The following RPA1 variants were observed in gnomAD, a reference collection of about 807,000 sequenced individuals.
RPA1 encodes replication protein A1.
A neutral mutation model predicts 83.0 loss-of-function variants in RPA1; 49 were observed. That is an observed-to-expected ratio of 0.59 (90% CI 0.47 to 0.75). RPA1 has a LOEUF of 0.75. RPA1 is among the 30% of genes least tolerant of loss of function. The pLI, the probability that RPA1 is intolerant of heterozygous loss-of-function variation, is 0.00. For missense variants in RPA1, 693 were observed against 776.1 expected, an observed-to-expected ratio of 0.89 and a Z score of 1.27; for synonymous variants, 279 against 281.8, an observed-to-expected ratio of 0.99 and a Z score of 0.10.
Position 1,897,387 on chromosome 17 carries a change from A to G in RPA1, c.*212A>G, listed in dbSNP as rs1000619145. 11 of 504,022 alleles carry G rather than the reference A, an allele frequency of 2.2e-5. No homozygotes were observed. Among genetic ancestry groups the G allele is most frequent in the Admixed American group, 7.4e-5 (2 of 27,186 alleles). The allele number at this position is 504,022 out of a possible 1,614,324, so 31.2% of individuals were successfully genotyped here. A position where few individuals can be genotyped will look rare whatever the true frequency, so the allele number is the denominator to read the frequency against. On this transcript the variant is annotated 3_prime_UTR_variant, in exon 17 of 17. Coordinates refer to ENST00000254719, the MANE Select transcript of RPA1 (RefSeq NM_002945.5). ...TTGTGGTGTAGACTGTGTCAGGCCTACGGAGTCAGCCAGTGGCTAGCGCAA... is the reference window on the plus strand; with the variant it reads ...TTGTGGTGTAGACTGTGTCAGGCCTGCGGAGTCAGCCAGTGGCTAGCGCAA...
intron 6 of RPA1, among the ~76,000 whole-genome samples, chr17:1,874,028 TATATACACAC>T (rs1178575953): frequency 5.8e-5 from 6 of 102,598 alleles, no homozygotes; most frequent in Admixed American, 2.3e-4. Context: ...TATATATATA[TATATACACAC>T]ACACACACAC....
chr17:1,881,754 C>T (rs375893622), intron 12 of RPA1, among the ~76,000 whole-genome samples: 7 of 152,180 alleles, frequency 4.6e-5, no homozygotes, highest in African/African-American at 1.2e-4. Context: ...ATAAAAAGCA[C>T]GGCTGTCCCC....
chr17:1,858,281 C>A (rs1423539356), intron 5 of RPA1: 2 of 1,611,732 alleles, frequency 1.2e-6, no homozygotes, highest in South Asian at 1.1e-5. Flanking sequence ...GGGAGTAACA[C>A]GGCCGACATG....
At chr17:1,886,858 A>G (rs1914013876) in intron 13 of RPA1, among the ~76,000 whole-genome samples, 1 of 152,038 alleles carries the variant, frequency 6.6e-6, no homozygotes, top group Non-Finnish European at 1.5e-5. Flanking sequence ...ACTAGGTCTC[A>G]CTATGTTGCC....
chr17:1,831,035 G>C (rs968847754), intron 1 of RPA1, among the ~76,000 whole-genome samples: 1 of 152,046 alleles, frequency 6.6e-6, no homozygotes, highest in African/African-American at 2.4e-5. Context: ...CAAAATGCTG[G>C]AATTACAGGC....
At chr17:1,887,491 G>A (rs17339039) in intron 13 of RPA1, among the ~76,000 whole-genome samples, 10 of 151,648 alleles carry the variant, frequency 6.6e-5, no homozygotes, top group Admixed American at 2.6e-4. Context: ...CCTGGGAGGC[G>A]GAGATTTCAG....
Position 1,897,400 on chromosome 17 carries a change from G to T in RPA1, c.*225G>T. On this transcript the variant is annotated 3_prime_UTR_variant, in exon 17 of 17. Coordinates refer to ENST00000254719, the MANE Select transcript of RPA1 (RefSeq NM_002945.5). ...TGTGTCAGGCCTACGGAGTCAGCCA[G>T]TGGCTAGCGCAAGACCAGTCACTCC... The T allele has an allele frequency of 4.1e-6, 2 of 484,482 alleles. No individual in the cohort carries two copies. The highest frequency in any genetic ancestry group is 7.3e-6 in the Non-Finnish European group (2 of 273,680). 30.0% of individuals were successfully genotyped at this position (484,482 alleles called of 1,614,324 possible).
intron 5 of RPA1, among the ~76,000 whole-genome samples, chr17:1,862,707 CT>C (rs1477031339): frequency 8.1e-6 from 1 of 123,618 alleles, no homozygotes; most frequent in Non-Finnish European, 1.6e-5. Context: ...GCGTGAGTCA[CT>C]GTGCCCAGCT....
intron 13 of RPA1, among the ~76,000 whole-genome samples, chr17:1,887,286 G>A (rs181502955): frequency 5.3e-5 from 8 of 152,124 alleles, no homozygotes; most frequent in Admixed American, 1.3e-4. Flanking sequence ...GGCCAGGCGC[G>A]GTGGCTCATT....
At chr17:1,832,695 T>G (rs974853754) in intron 1 of RPA1, among the ~76,000 whole-genome samples, 67 of 152,274 alleles carry the variant, frequency 4.4e-4, no homozygotes, top group African/African-American at 1.5e-3. Context: ...CCCCATTCAC[T>G]TATTAGATGC....
At position 1,878,981 on chromosome 17, in the gene RPA1, G is replaced by T. The variant is rs778349642; in HGVS notation, c.691-12G>T. ...AATCCCGCAGCCCTAACCTGCCCAC[G>T]TGCTTCTGCAGGGTGAAATCCGAGC... On this transcript the variant is annotated splice_polypyrimidine_tract_variant and intron_variant, in intron 8 of 16. Coordinates refer to ENST00000254719, the MANE Select transcript of RPA1 (RefSeq NM_002945.5). 3 of 1,614,176 alleles carry T rather than the reference G, an allele frequency of 1.9e-6. No homozygotes were observed. Among genetic ancestry groups the T allele is most frequent in the East Asian group, 4.5e-5 (2 of 44,892 alleles).
chr17:1,840,960 G>A (rs927375012), intron 1 of RPA1, among the ~76,000 whole-genome samples: 2 of 152,040 alleles, frequency 1.3e-5, no homozygotes, highest in East Asian at 1.9e-4. Context: ...CCAGCTACGC[G>A]GGAGGCTGCA....
intron 6 of RPA1, among the ~76,000 whole-genome samples, chr17:1,873,077 A>T (rs780027228): frequency 3.3e-5 from 5 of 152,162 alleles, no homozygotes; most frequent in African/African-American, 1.2e-4. Flanking sequence ...TTCGTTTCCC[A>T]CATCATCAGG....
chr17:1,879,777 C>T (rs1282522243), intron 11 of RPA1, 78 bp downstream of exon 11: 1 of 1,563,642 alleles, frequency 6.4e-7, no homozygotes, highest in Non-Finnish European at 8.8e-7. Flanking sequence ...TAGGATGGGG[C>T]CTTCAGCACA....
At chr17:1,879,533 T>A (rs957911673) in intron 10 of RPA1, 27 bp from the exon 11 acceptor site, 1 of 1,614,068 alleles carries the variant, frequency 6.2e-7, no homozygotes, top group Non-Finnish European at 8.5e-7. Flanking sequence ...CTTGACCACC[T>A]CCTGCTAACA....
At position 1,898,276 on chromosome 17, in the gene RPA1, C is replaced by T. The variant is rs1914521281; in HGVS notation, c.*1101C>T. 6.6e-6 allele frequency: 1 copy of T among 152,188 alleles called. No individual in the cohort carries two copies. The highest frequency in any genetic ancestry group is 2.4e-5 in the African/African-American group (1 of 41,448). 9.4% of individuals were successfully genotyped at this position (152,188 alleles called of 1,614,324 possible). A position where few individuals can be genotyped will look rare whatever the true frequency, so the allele number is the denominator to read the frequency against. ...CACTAAAAACAAAAAGCCATTTTGC[C>T]TGAGGATGCTGATGATCTGGCACTT... On this transcript the variant is annotated 3_prime_UTR_variant, in exon 17 of 17. Transcript: ENST00000254719.
At chr17:1,839,274 A>G (rs1002015267) in intron 1 of RPA1, among the ~76,000 whole-genome samples, 2 of 152,176 alleles carry the variant, frequency 1.3e-5, no homozygotes, top group African/African-American at 4.8e-5. Flanking sequence ...TTGAAGATTT[A>G]TAGTAAATCT....
At chr17:1,864,176 C>G (rs1487226136) in intron 5 of RPA1, among the ~76,000 whole-genome samples, 1 of 152,242 alleles carries the variant, frequency 6.6e-6, no homozygotes, top group Non-Finnish European at 1.5e-5. Context: ...GTCTCTGCTG[C>G]TCCCAATAGA....
chr17:1,855,367 T>A (rs995544521), intron 5 of RPA1, among the ~76,000 whole-genome samples: 2 of 145,852 alleles, frequency 1.4e-5, no homozygotes, highest in Non-Finnish European at 3.0e-5. Context: ...GTGTGTGTGT[T>A]TAGTAGAGAC....
Sources: gnomAD v4.1 joint callset for allele counts (sites outside exome capture counted in the v4.1 genomes callset) on GRCh38, gnomAD v4.1.1 for gene constraint, MANE v1.5 for transcripts, NCBI Gene and HGNC (gene_info 2026-07-23, HGNC 2026-07-21) for gene names.